The following CNTN4 variants were observed in gnomAD, a reference collection of about 807,000 sequenced individuals.
CNTN4 encodes contactin 4, also known as contactin-4.
Under a neutral mutation model 122.5 loss-of-function variants are expected in CNTN4, and 77 were observed. The observed-to-expected ratio is 0.63, with a 90% CI of 0.52 to 0.76. CNTN4 has a LOEUF of 0.76. CNTN4 is among the 30% of genes least tolerant of loss of function. CNTN4 has a pLI of 0.00. For missense variants in CNTN4, 1,256 were observed against 1,259.1 expected (o/e 1.00, Z 0.04); for synonymous variants, 512 against 447.0 (o/e 1.15, Z -1.83).
chr3:2,979,366 G>C (rs903072820), intron 13 of CNTN4, among the ~76,000 whole-genome samples: 4 of 152,156 alleles, frequency 2.6e-5, no homozygotes, highest in Admixed American at 1.3e-4. Context: ...CCAGGGGAAT[G>C]AGAAGAGAAA....
At chr3:2,351,413 A>AT (rs1303056457) in intron 3 of CNTN4, among the ~76,000 whole-genome samples, 3 of 151,700 alleles carry the variant, frequency 2.0e-5, no homozygotes, top group African/African-American at 4.8e-5. Context: ...GTTTTCCACA[A>AT]TTTTTTTTTC....
At chr3:2,937,205 T>C (rs2094574749) in intron 13 of CNTN4, among the ~76,000 whole-genome samples, 1 of 152,206 alleles carries the variant, frequency 6.6e-6, no homozygotes, top group Non-Finnish European at 1.5e-5. Flanking sequence ...TTCCAGCATG[T>C]CCGTCTTATG....
At chr3:2,199,500 A>G (rs7633329) in intron 2 of CNTN4, among the ~76,000 whole-genome samples, 1,800 of 152,226 alleles carry the variant, frequency 0.012, 41 homozygotes, top group African/African-American at 0.042. Context: ...ATAGAATGAA[A>G]CACCTGGATT....
chr3:2,467,662 T>G, intron 3 of CNTN4, among the ~76,000 whole-genome samples: 1 of 152,202 alleles, frequency 6.6e-6, no homozygotes, highest in South Asian at 2.1e-4. Flanking sequence ...ACAGTAGTTA[T>G]GCACTAATTA....
At chr3:2,451,550 C>G (rs1370334187) in intron 3 of CNTN4, among the ~76,000 whole-genome samples, 1 of 150,260 alleles carries the variant, frequency 6.7e-6, no homozygotes, top group Non-Finnish European at 1.5e-5. Flanking sequence ...TATATTTATT[C>G]ACCAATATTA....
At chr3:2,110,019 A>G (rs2032820521) in intron 2 of CNTN4, among the ~76,000 whole-genome samples, 1 of 152,272 alleles carries the variant, frequency 6.6e-6, no homozygotes, top group Non-Finnish European at 1.5e-5. Flanking sequence ...TTTTAATATA[A>G]TAGTATCTTT....
chr3:2,612,523 T>C (rs1329662880), intron 4 of CNTN4, among the ~76,000 whole-genome samples: 2 of 152,118 alleles, frequency 1.3e-5, no homozygotes, highest in Non-Finnish European at 2.9e-5. Context: ...GCAGCAGTTT[T>C]GAAGTCAAGA....
intron 3 of CNTN4, among the ~76,000 whole-genome samples, chr3:2,477,820 G>A (rs554072196): frequency 6.6e-5 from 10 of 152,292 alleles, no homozygotes; most frequent in South Asian, 2.1e-4. Context: ...TGAGCTGTGC[G>A]AAAATGCTGA....
chr3:2,506,573 T>G (rs1165773238), intron 3 of CNTN4, among the ~76,000 whole-genome samples: 1 of 152,194 alleles, frequency 6.6e-6, no homozygotes, highest in Non-Finnish European at 1.5e-5. Context: ...ACAAAAGCAG[T>G]CTAACAACGG....
intron 4 of CNTN4, among the ~76,000 whole-genome samples, chr3:2,626,034 A>G (rs1235092656): frequency 6.6e-6 from 1 of 152,206 alleles, no homozygotes; most frequent in Non-Finnish European, 1.5e-5. Flanking sequence ...ATTTGCAATT[A>G]GACGTCTCCT....
intron 2 of CNTN4, among the ~76,000 whole-genome samples, chr3:2,287,718 GAAGAAGAAGAAGAAGAAGAA>G (rs1559416009): frequency 0.018 from 1,359 of 74,730 alleles, 21 homozygotes; most frequent in Middle Eastern, 0.036. Flanking sequence ...AGAGGAAGAA[GAAGAAGAAGAAGAAGAAGAA>G]GAAGAAGAAG....
intron 4 of CNTN4, among the ~76,000 whole-genome samples, chr3:2,702,003 A>T (rs2086384672): frequency 6.6e-6 from 1 of 152,180 alleles, no homozygotes; most frequent in African/African-American, 2.4e-5. Context: ...GAAAGAAGCC[A>T]GGGTAGAGTG....
At chr3:2,487,377 T>C (rs2076192768) in intron 3 of CNTN4, among the ~76,000 whole-genome samples, 1 of 152,198 alleles carries the variant, frequency 6.6e-6, no homozygotes, top group South Asian at 2.1e-4. Flanking sequence ...GAAAGCCACC[T>C]TTTGTCCAGC....
chr3:2,742,977 C>G (rs972667335), intron 5 of CNTN4, among the ~76,000 whole-genome samples: 5 of 152,018 alleles, frequency 3.3e-5, no homozygotes, highest in Non-Finnish European at 7.4e-5. Context: ...CTAAATAATC[C>G]CTTTTCGTTT....
chr3:2,801,010 GT>G (rs1209544936), intron 6 of CNTN4, among the ~76,000 whole-genome samples: 1 of 152,088 alleles, frequency 6.6e-6, no homozygotes, highest in East Asian at 1.9e-4. Context: ...ATTCTACTCT[GT>G]TTTTCCCATT....
At chr3:2,129,348 A>G (rs1315253800) in intron 2 of CNTN4, among the ~76,000 whole-genome samples, 2 of 151,380 alleles carry the variant, frequency 1.3e-5, no homozygotes, top group Non-Finnish European at 2.9e-5. Context: ...TGAGAAACAA[A>G]ATAACTGTTG....
chr3:2,442,017 C>T (rs558325211), intron 3 of CNTN4, among the ~76,000 whole-genome samples: 1 of 152,180 alleles, frequency 6.6e-6, no homozygotes, highest in Admixed American at 6.5e-5. Flanking sequence ...AACTAATATT[C>T]TATAACTAGT....
At chr3:2,776,907 G>T (rs2091344016) in intron 6 of CNTN4, among the ~76,000 whole-genome samples, 1 of 152,246 alleles carries the variant, frequency 6.6e-6, no homozygotes, top group Non-Finnish European at 1.5e-5. Flanking sequence ...GTGAGGGTGG[G>T]TATGCATATA....
intron 6 of CNTN4, among the ~76,000 whole-genome samples, chr3:2,778,177 G>A (rs558071653): frequency 4.2e-4 from 60 of 141,376 alleles, no homozygotes; most frequent in African/African-American, 1.6e-3. Context: ...TCGCGCCACT[G>A]CACTCCAGCC....
Sources: gnomAD v4.1 joint callset for allele counts (sites outside exome capture counted in the v4.1 genomes callset) on GRCh38, gnomAD v4.1.1 for gene constraint, MANE v1.5 for transcripts, NCBI Gene and HGNC (gene_info 2026-07-23, HGNC 2026-07-21) for gene names.